TRIM24: variants seen among roughly 807,000 people sequenced by gnomAD.
The protein encoded by TRIM24 is tripartite motif containing 24.
A neutral mutation model predicts 123.9 loss-of-function variants in TRIM24; 29 were observed. That is an observed-to-expected ratio of 0.23 (90% CI 0.17 to 0.32). TRIM24 has a LOEUF of 0.32. TRIM24 is among the 10% of genes least tolerant of loss of function. The pLI is 1.00. For synonymous variants in TRIM24, 456 were observed against 461.1 expected, an observed-to-expected ratio of 0.99 and a Z score of 0.14; for missense variants, 932 against 1,295.3, an observed-to-expected ratio of 0.72 and a Z score of 4.31.
In TRIM24 at chr7:138,577,412, A is replaced by G. The variant is rs1797783159; in HGVS notation, c.2088-8A>G. ...TAGATTGCTTTTTCTTCTCTCTCATACTTACAGCTCTGGCTCTTCCAGCAA... is the reference window on the plus strand; with the variant it reads ...TAGATTGCTTTTTCTTCTCTCTCATGCTTACAGCTCTGGCTCTTCCAGCAA... On this transcript the variant is annotated splice_polypyrimidine_tract_variant and splice_region_variant and intron_variant, in intron 13 of 18. Transcript: ENST00000343526. 6.5e-7 allele frequency: 1 copy of G among 1,542,264 alleles called. No homozygotes were observed. Among genetic ancestry groups the G allele is most frequent in the Non-Finnish European group, 8.7e-7 (1 of 1,149,174 alleles).
chr7:138,508,692 T>TGTGTGTGTGCGC (rs1422176564), intron 2 of TRIM24, among the ~76,000 whole-genome samples: 13 of 137,276 alleles, frequency 9.5e-5, no homozygotes, highest in African/African-American at 3.6e-4. Context: ...TGTGTGTGTG[T>TGTGTGTGTGCGC]GCGCGCGCGT....
chr7:138,579,347 A>C lies in TRIM24; in HGVS notation c.2400A>C (p.Gly800=), dbSNP rs778431984. Reference sequence around the variant, plus strand: ...TTCACCAGGACAATTCCTCAAATGGAAAGTCTGAATGGTTGGATCCTTCCC... The same window carrying C: ...TTCACCAGGACAATTCCTCAAATGGCAAGTCTGAATGGTTGGATCCTTCCC... ...PGLHQDNSSN[G]KSEWLDPSQK... is the part of the protein sequence containing the mutation. The change falls in exon 15 of 19, where the codon GGA becomes GGC. Residue 800 remains glycine (G), a synonymous_variant. Coordinates refer to ENST00000343526, the MANE Select transcript of TRIM24 (RefSeq NM_015905.3). 2 of 1,614,040 alleles carry C rather than the reference A, an allele frequency of 1.2e-6. No homozygotes were observed. Among genetic ancestry groups the C allele is most frequent in the African/African-American group, 2.7e-5 (2 of 74,914 alleles).
intron 2 of TRIM24, among the ~76,000 whole-genome samples, chr7:138,513,631 G>C (rs1355382996): frequency 6.6e-6 from 1 of 152,016 alleles, no homozygotes; most frequent in East Asian, 1.9e-4. Context: ...CATGAGAACA[G>C]CACCAAGGGG....
chr7:138,585,868 ATACCCT>A lies in TRIM24; in HGVS notation c.*918_*923del. 1 of 519,038 alleles carries A rather than the reference ATACCCT, an allele frequency of 1.9e-6. No individual in the cohort carries two copies. The highest frequency in any genetic ancestry group is 3.8e-6 in the Non-Finnish European group (1 of 259,898). 32.2% of individuals were successfully genotyped at this position (519,038 alleles called of 1,614,324 possible). A position where few individuals can be genotyped will look rare whatever the true frequency, so the allele number is the denominator to read the frequency against. On this transcript the variant is annotated 3_prime_UTR_variant, in exon 19 of 19. Transcript: ENST00000343526. ...ATTTGATGTGAGGGTTCTTCATCATATACCCTACTGGGCATTAAATATAAGTTCCTC... is the reference window on the plus strand; with the variant it reads ...ATTTGATGTGAGGGTTCTTCATCATAACTGGGCATTAAATATAAGTTCCTC...
intron 2 of TRIM24, among the ~76,000 whole-genome samples, chr7:138,507,604 T>G (rs1337144441): frequency 6.6e-6 from 1 of 152,190 alleles, no homozygotes. Flanking sequence ...ATTACAGGCA[T>G]AAGCCACTGC....
chr7:138,477,036 A>G (rs987396035), intron 1 of TRIM24, among the ~76,000 whole-genome samples: 1 of 129,924 alleles, frequency 7.7e-6, no homozygotes, highest in African/African-American at 3.0e-5. Context: ...AAGAATGAGT[A>G]TTATATGCTA....
intron 1 of TRIM24, among the ~76,000 whole-genome samples, chr7:138,482,242 C>A (rs1795545303): frequency 6.6e-6 from 1 of 152,148 alleles, no homozygotes; most frequent in Non-Finnish European, 1.5e-5. Context: ...GGCCCACATT[C>A]TCTTTACAGT....
At chr7:138,571,187 C>T (rs1301158893) in intron 11 of TRIM24, among the ~76,000 whole-genome samples, 184 bp downstream of exon 11, 1 of 152,076 alleles carries the variant, frequency 6.6e-6, no homozygotes, top group East Asian at 1.9e-4. Context: ...AAAAATTAAC[C>T]AGGCATGATA....
chr7:138,462,575 C>T (rs368244919), intron 1 of TRIM24, among the ~76,000 whole-genome samples: 1 of 151,810 alleles, frequency 6.6e-6, no homozygotes, highest in Non-Finnish European at 1.5e-5. Flanking sequence ...CTCCTGACCT[C>T]GTGATCCGCC....
intron 1 of TRIM24, 186 bp downstream of exon 1, chr7:138,461,098 C>G (rs1794956897): frequency 6.8e-6 from 5 of 739,320 alleles, no homozygotes; most frequent in Non-Finnish European, 9.4e-6. Flanking sequence ...GTGTCGCGCT[C>G]GGCCAGCAAC....
intron 7 of TRIM24, among the ~76,000 whole-genome samples, chr7:138,545,094 T>C (rs1275708797): frequency 6.6e-6 from 1 of 152,202 alleles, no homozygotes; most frequent in Non-Finnish European, 1.5e-5. Context: ...CATAAATGAA[T>C]TTCATGTTTA....
intron 9 of TRIM24, among the ~76,000 whole-genome samples, chr7:138,563,550 G>A (rs1049451322): frequency 9.2e-5 from 14 of 152,076 alleles, no homozygotes; most frequent in African/African-American, 2.9e-4. Context: ...TCTTGGTCAC[G>A]GTTAATATAC....
intron 14 of TRIM24, among the ~76,000 whole-genome samples, chr7:138,578,939 G>A (rs28751947): frequency 8.0e-5 from 12 of 149,308 alleles, no homozygotes; most frequent in Non-Finnish European, 1.0e-4. Flanking sequence ...TATATATATA[G>A]GTCATGTGGT....
chr7:138,541,556 A>G (rs1057128927), intron 7 of TRIM24, among the ~76,000 whole-genome samples: 2 of 152,216 alleles, frequency 1.3e-5, no homozygotes, highest in African/African-American at 4.8e-5. Flanking sequence ...TCACTTATAG[A>G]ACACAAAAGC....
chr7:138,586,619 T>C lies in TRIM24; in HGVS notation c.*1668T>C, dbSNP rs1798024602. On this transcript the variant is annotated 3_prime_UTR_variant, in exon 19 of 19. Transcript: ENST00000343526. The stretch of plus-strand genomic sequence containing the variant: ...TGTTACATGGTAATGTTTGTCATTG[T>C]TGTTTTAAAGTTGCATTTGACATTT... 6.6e-6 allele frequency: 1 copy of C among 152,240 alleles called. No individual in the cohort carries two copies. Among genetic ancestry groups the C allele is most frequent in the Non-Finnish European group, 1.5e-5 (1 of 68,032 alleles). The allele number at this position is 152,240 out of a possible 1,614,324, so 9.4% of individuals were successfully genotyped here. A position where few individuals can be genotyped will look rare whatever the true frequency, so the allele number is the denominator to read the frequency against.
chr7:138,559,550 C>CA (rs1444171656), intron 9 of TRIM24, among the ~76,000 whole-genome samples: 2 of 152,212 alleles, frequency 1.3e-5, no homozygotes, highest in African/African-American at 4.8e-5. Flanking sequence ...ATAGACTAGT[C>CA]AGCTTCTGGG....
chr7:138,496,858 C>T (rs1377789532), intron 1 of TRIM24, among the ~76,000 whole-genome samples: 1 of 151,974 alleles, frequency 6.6e-6, no homozygotes, highest in Non-Finnish European at 1.5e-5. Context: ...AGGCTTTTCT[C>T]CCTTATTTTG....
intron 7 of TRIM24, among the ~76,000 whole-genome samples, chr7:138,546,174 A>T (rs976008832): frequency 3.3e-5 from 5 of 152,214 alleles, no homozygotes; most frequent in African/African-American, 1.2e-4. Context: ...TAATATCACC[A>T]GTGGTATGAC....
chr7:138,550,504 A>G (rs577909787), intron 7 of TRIM24, among the ~76,000 whole-genome samples: 17 of 152,166 alleles, frequency 1.1e-4, no homozygotes, highest in Non-Finnish European at 2.5e-4. Flanking sequence ...TCAAGGATTG[A>G]GGGAGAATGA....
Sources: gnomAD v4.1 joint callset for allele counts (sites outside exome capture counted in the v4.1 genomes callset) on GRCh38, gnomAD v4.1.1 for gene constraint, MANE v1.5 for transcripts, NCBI Gene and HGNC (gene_info 2026-07-23, HGNC 2026-07-21) for gene names.